The following AKIRIN2 variants were observed in gnomAD, a reference collection of about 807,000 sequenced individuals.
The protein encoded by AKIRIN2 is akirin-2.
A neutral mutation model predicts 29.3 loss-of-function variants in AKIRIN2; 6 were observed. The ratio of observed to expected loss-of-function variants is 0.20; its 90% CI spans 0.11 to 0.40. The LOEUF is 0.40. Ranked by LOEUF, AKIRIN2 falls within the 10% of genes least tolerant of loss-of-function variation. AKIRIN2 has a pLI of 1.00. For synonymous variants in AKIRIN2, 128 were observed against 117.5 expected (o/e 1.09, Z -0.58); for missense variants, 210 against 276.1 (o/e 0.76, Z 1.70).
intron 1 of AKIRIN2, among the ~76,000 whole-genome samples, chr6:87,697,691 AT>A (rs1562401461): frequency 6.6e-6 from 1 of 152,198 alleles, no homozygotes; most frequent in Non-Finnish European, 1.5e-5. Context: ...GCATGCATCA[AT>A]GTCTGGTGAA....
chr6:87,675,643 C>T, intron 4 of AKIRIN2, 36 bp from the exon 5 acceptor site: 4 of 1,611,678 alleles, frequency 2.5e-6, no homozygotes, highest in Non-Finnish European at 3.4e-6. Context: ...GTGCAAAATA[C>T]AGGTCAAAAT....
intron 1 of AKIRIN2, among the ~76,000 whole-genome samples, chr6:87,695,227 T>TA (rs1771339005): frequency 6.6e-6 from 1 of 152,174 alleles, no homozygotes; most frequent in Non-Finnish European, 1.5e-5. Flanking sequence ...GAAATATACT[T>TA]AAAGTTCCTC....
At chr6:87,686,585 A>T (rs778816114) in intron 1 of AKIRIN2, among the ~76,000 whole-genome samples, 15 of 152,016 alleles carry the variant, frequency 9.9e-5, no homozygotes, top group Non-Finnish European at 2.1e-4. Context: ...TCCAGACATC[A>T]TTACTAGATC....
At chr6:87,676,615 A>G (rs1455159530) in intron 3 of AKIRIN2, among the ~76,000 whole-genome samples, 1 of 149,698 alleles carries the variant, frequency 6.7e-6, no homozygotes, top group Non-Finnish European at 1.5e-5. Flanking sequence ...ACACACACAC[A>G]CACACACACA....
rs1389281140 is a variant in AKIRIN2 at position 87,701,780 on chromosome 6, A to G, written c.-96T>C. The G allele has an allele frequency of 2.2e-6, 2 of 912,664 alleles. No homozygotes were observed. Among genetic ancestry groups the G allele is most frequent in the African/African-American group, 3.5e-5 (2 of 56,586 alleles). 56.5% of individuals were successfully genotyped at this position (912,664 alleles called of 1,614,324 possible). The stretch of plus-strand genomic sequence containing the variant: ...AGGGGTGAAGAGCGGGAACTCGAGG[A>G]GAGCCTACCCGACGGGCTCAGGAGC... On this transcript the variant is annotated 5_prime_UTR_variant, in exon 1 of 5. Transcript: ENST00000257787.
intron 1 of AKIRIN2, among the ~76,000 whole-genome samples, chr6:87,692,402 C>A (rs1771290783): frequency 6.6e-6 from 1 of 152,230 alleles, no homozygotes; most frequent in African/African-American, 2.4e-5. Flanking sequence ...TGTCACACGG[C>A]TTGAACATGG....
intron 1 of AKIRIN2, among the ~76,000 whole-genome samples, chr6:87,690,862 A>T (rs1036251892): frequency 4.6e-5 from 7 of 152,046 alleles, no homozygotes; most frequent in African/African-American, 1.7e-4. Flanking sequence ...AATCCCAGCT[A>T]CTAGGGAAGC....
intron 1 of AKIRIN2, among the ~76,000 whole-genome samples, chr6:87,690,548 T>C (rs1771263460): frequency 1.3e-5 from 2 of 152,358 alleles, no homozygotes; most frequent in Middle Eastern, 3.4e-3. Context: ...GACATTAACC[T>C]ATATACAATG....
chr6:87,679,077 G>C (rs1443872430), intron 2 of AKIRIN2, among the ~76,000 whole-genome samples: 36 of 149,874 alleles, frequency 2.4e-4, no homozygotes, highest in Admixed American at 2.4e-3. Flanking sequence ...GGAGGTTGCA[G>C]TGAGCCGAGA....
At chr6:87,687,767 T>C (rs950044480) in intron 1 of AKIRIN2, among the ~76,000 whole-genome samples, 4 of 152,234 alleles carry the variant, frequency 2.6e-5, no homozygotes, top group African/African-American at 9.6e-5. Context: ...AGGGGATACA[T>C]TAACCTTGTT....
chr6:87,678,212 CTT>C (rs1288965773), intron 2 of AKIRIN2, among the ~76,000 whole-genome samples: 1 of 152,148 alleles, frequency 6.6e-6, no homozygotes, highest in African/African-American at 2.4e-5. Flanking sequence ...GTAGAAAAAA[CTT>C]TAAGACATAA....
At chr6:87,686,074 G>A (rs1771181205) in intron 1 of AKIRIN2, among the ~76,000 whole-genome samples, 1 of 152,114 alleles carries the variant, frequency 6.6e-6, no homozygotes, top group Non-Finnish European at 1.5e-5. Flanking sequence ...AATGAGCTGG[G>A]TGTGGTGGCG....
chr6:87,676,053 G>T (rs1770969412), intron 3 of AKIRIN2, 122 bp from the exon 4 acceptor site: 1 of 750,496 alleles, frequency 1.3e-6, no homozygotes, highest in Non-Finnish European at 2.2e-6. Context: ...CATAACCTCA[G>T]TAGTACTAAT....
At position 87,701,978 on chromosome 6, in the gene AKIRIN2, C is replaced by T. The variant is rs1255595873; in HGVS notation, c.-294G>A. ...TTCCGCCTCCTCAGGCGCGGCTCCCCCGAGAGAGGCTCCGGCCGCCCCCGC... is the reference window on the plus strand; with the variant it reads ...TTCCGCCTCCTCAGGCGCGGCTCCCTCGAGAGAGGCTCCGGCCGCCCCCGC... On this transcript the variant is annotated 5_prime_UTR_variant, in exon 1 of 5. Coordinates refer to ENST00000257787, the MANE Select transcript of AKIRIN2 (RefSeq NM_018064.4). 7.5e-6 allele frequency: 3 copies of T among 402,280 alleles called. No homozygotes were observed. In the Admixed American group the frequency reaches 1.3e-4, roughly 18 times the overall value. 24.9% of individuals were successfully genotyped at this position (402,280 alleles called of 1,614,324 possible).
chr6:87,698,023 G>A (rs1771399002), intron 1 of AKIRIN2, among the ~76,000 whole-genome samples: 1 of 152,152 alleles, frequency 6.6e-6, no homozygotes. Context: ...TCTTGGGAAT[G>A]TCATGACAAT....
chr6:87,695,549 T>C (rs555614121), intron 1 of AKIRIN2, among the ~76,000 whole-genome samples: 2 of 152,308 alleles, frequency 1.3e-5, no homozygotes, highest in Non-Finnish European at 2.9e-5. Context: ...TAGTTTCACA[T>C]ATATAGAGAA....
chr6:87,701,896 G>C lies in AKIRIN2; in HGVS notation c.-212C>G, dbSNP rs1056347204. ...GGCAGTGGCCAGGGACGGCCCGGGT[G>C]AGAGCGGGAGGGGCGGTGGCGGGCA... On this transcript the variant is annotated 5_prime_UTR_variant, in exon 1 of 5. Coordinates refer to ENST00000257787, the MANE Select transcript of AKIRIN2 (RefSeq NM_018064.4). The C allele has an allele frequency of 3.6e-5, 15 of 415,268 alleles. No homozygotes were observed. The highest frequency in any genetic ancestry group is 1.2e-4 in the African/African-American group (6 of 48,682). 25.7% of individuals were successfully genotyped at this position (415,268 alleles called of 1,614,324 possible).
At chr6:87,693,463 C>T (rs1156651448) in intron 1 of AKIRIN2, among the ~76,000 whole-genome samples, 1 of 152,158 alleles carries the variant, frequency 6.6e-6, no homozygotes, top group African/African-American at 2.4e-5. Flanking sequence ...GGCGCGGTGG[C>T]TCACGCCTGT....
At chr6:87,699,522 T>C (rs1360170990) in intron 1 of AKIRIN2, among the ~76,000 whole-genome samples, 2 of 151,872 alleles carry the variant, frequency 1.3e-5, no homozygotes, top group Non-Finnish European at 2.9e-5. Context: ...TAATCAAACT[T>C]CCAAAGTAGA....
Sources: allele counts gnomAD v4.1 joint callset (sites outside exome capture counted in the v4.1 genomes callset), GRCh38; gene constraint gnomAD v4.1.1; transcripts MANE v1.5; gene names NCBI Gene and HGNC (gene_info 2026-07-23, HGNC 2026-07-21).